Variants in GABRA2 observed in about 807,000 individuals in gnomAD.
GABRA2 encodes gamma-aminobutyric acid type A receptor subunit alpha2, also known as gamma-aminobutyric acid receptor subunit alpha-2.
In GABRA2, 16 loss-of-function variants were observed where a neutral mutation model predicts 48.7. That is an observed-to-expected ratio of 0.33 (90% CI 0.22 to 0.50). The LOEUF (loss-of-function observed/expected upper bound fraction) is 0.50. Among genes scored for constraint, GABRA2 ranks in the 20% least tolerant of loss-of-function variants. The probability of loss-of-function intolerance (pLI) is 0.98; values close to 1 mark genes in which losing one functional copy is unlikely to be tolerated. For synonymous variants in GABRA2, 185 were observed against 184.5 expected, an observed-to-expected ratio of 1.00 and a Z score of -0.02; for missense variants, 275 against 535.6, an observed-to-expected ratio of 0.51 and a Z score of 4.80.
In GABRA2 at chr4:46,248,973, T is replaced by A. The variant is rs977813760; in HGVS notation, c.*1335A>T. 6.6e-6 allele frequency: 1 copy of A among 151,246 alleles called. No homozygotes were observed. Among genetic ancestry groups the A allele is most frequent in the Non-Finnish European group, 1.5e-5 (1 of 67,672 alleles). The allele number at this position is 151,246 out of a possible 1,614,324, so 9.4% of individuals were successfully genotyped here. The stretch of plus-strand genomic sequence containing the variant: ...AAGATATTAAAAGAAAAATGAATTT[T>A]ACCCATTAATAACTAGTAATTATAT... On this transcript the variant is annotated 3_prime_UTR_variant, in exon 10 of 10. Coordinates refer to ENST00000381620, the MANE Select transcript of GABRA2 (RefSeq NM_000807.4).
At chr4:46,262,169 C>T (rs202117071) in intron 8 of GABRA2, 41 bp from the exon 9 acceptor site, 1 of 1,541,936 alleles carries the variant, frequency 6.5e-7, no homozygotes. Context: ...TCAATAGGTA[C>T]TAGCAGGACA....
rs758752896 is a variant in GABRA2 at position 46,250,520 on chromosome 4, G to T, written c.1144C>A (p.Pro382Thr). ...CTCTTGGAGATGGTGGAGAGAACTGGATCTTTTGAAAGATTCGGGGCATAA... is the reference window on the plus strand; with the variant it reads ...CTCTTGGAGATGGTGGAGAGAACTGTATCTTTTGAAAGATTCGGGGCATAA... ...ANYAPNLSKD[P>T]VLSTISKSAT... The change falls in exon 10 of 10, where the codon CCA becomes ACA. Residue 382 changes from proline (P) to threonine (T), a missense_variant. Transcript: ENST00000381620. 6.2e-7 allele frequency: 1 copy of T among 1,611,748 alleles called. No individual in the cohort carries two copies. Among genetic ancestry groups the T allele is most frequent in the East Asian group, 2.2e-5 (1 of 44,774 alleles).
intron 8 of GABRA2, among the ~76,000 whole-genome samples, chr4:46,285,158 C>T (rs1421744148): frequency 1.3e-5 from 2 of 151,382 alleles, no homozygotes; most frequent in Non-Finnish European, 2.9e-5. Flanking sequence ...CATGCATACA[C>T]ATACGCTCAT....
chr4:46,385,676 G>A (rs987218138), intron 3 of GABRA2, among the ~76,000 whole-genome samples: 1 of 151,900 alleles, frequency 6.6e-6, no homozygotes, highest in Non-Finnish European at 1.5e-5. Context: ...AATTTTTTAT[G>A]TTCCTCATTT....
At chr4:46,313,269 A>C (rs980341425) in intron 4 of GABRA2, among the ~76,000 whole-genome samples, 13 of 151,962 alleles carry the variant, frequency 8.6e-5, no homozygotes, top group African/African-American at 3.1e-4. Flanking sequence ...ATCTGTATGA[A>C]TCATCATCTC....
chr4:46,336,899 A>G (rs958857069), intron 3 of GABRA2, among the ~76,000 whole-genome samples: 3 of 152,156 alleles, frequency 2.0e-5, no homozygotes, highest in Non-Finnish European at 4.4e-5. Context: ...ATGGCCTGAA[A>G]AGATATCCAA....
intron 8 of GABRA2, among the ~76,000 whole-genome samples, chr4:46,275,619 G>A (rs1384386983): frequency 6.6e-6 from 1 of 152,048 alleles, no homozygotes; most frequent in Non-Finnish European, 1.5e-5. Flanking sequence ...TAAAATAGCA[G>A]GAGACCATCA....
intron 4 of GABRA2, among the ~76,000 whole-genome samples, chr4:46,319,320 T>A (rs1490517484): frequency 4.6e-5 from 7 of 151,798 alleles, no homozygotes; most frequent in Non-Finnish European, 5.9e-5. Context: ...TCATTTACTT[T>A]GATTTTCTAC....
At chr4:46,339,453 A>C (rs2109846626) in intron 3 of GABRA2, among the ~76,000 whole-genome samples, 1 of 151,956 alleles carries the variant, frequency 6.6e-6, no homozygotes, top group South Asian at 2.1e-4. Flanking sequence ...CCCTTGACAT[A>C]GTATATGTTC....
chr4:46,349,626 T>G (rs1734780891), intron 3 of GABRA2, among the ~76,000 whole-genome samples: 1 of 151,988 alleles, frequency 6.6e-6, no homozygotes, highest in Admixed American at 6.6e-5. Context: ...CAAAGTTAAA[T>G]GCATTCAGAG....
chr4:46,254,736 A>C (rs1435095420), intron 9 of GABRA2, among the ~76,000 whole-genome samples: 1 of 151,530 alleles, frequency 6.6e-6, no homozygotes, highest in African/African-American at 2.4e-5. Context: ...GACTGATAAA[A>C]TATCTCTCCG....
At chr4:46,309,004 G>GT (rs1214887356) in intron 6 of GABRA2, among the ~76,000 whole-genome samples, 4 of 152,052 alleles carry the variant, frequency 2.6e-5, no homozygotes, top group Non-Finnish European at 5.9e-5. Context: ...ATCTGCTGTG[G>GT]TTTTCTCAGC....
intron 3 of GABRA2, among the ~76,000 whole-genome samples, chr4:46,378,468 G>C (rs56091750): frequency 7.9e-5 from 12 of 151,970 alleles, no homozygotes; most frequent in African/African-American, 1.9e-4. Context: ...CAGCATGCTC[G>C]TTAAGAGTCA....
chr4:46,260,573 C>T (rs975342046), intron 9 of GABRA2, among the ~76,000 whole-genome samples: 1 of 151,518 alleles, frequency 6.6e-6, no homozygotes, highest in Non-Finnish European at 1.5e-5. Flanking sequence ...TCTTTTGTGA[C>T]ATATTTACAA....
intron 8 of GABRA2, among the ~76,000 whole-genome samples, chr4:46,296,459 A>T (rs924578125): frequency 2.0e-5 from 3 of 152,114 alleles, no homozygotes; most frequent in African/African-American, 7.2e-5. Flanking sequence ...GCTGGGGTCT[A>T]TCAAGATGAA....
intron 3 of GABRA2, among the ~76,000 whole-genome samples, chr4:46,361,203 A>C (rs959614115): frequency 6.6e-6 from 1 of 152,142 alleles, no homozygotes; most frequent in Non-Finnish European, 1.5e-5. Context: ...CTGGGCATGT[A>C]AGAGACCTCT....
chr4:46,385,078 CATATAT>C (rs36113226), intron 3 of GABRA2, among the ~76,000 whole-genome samples: 6,349 of 143,446 alleles, frequency 0.044, 422 homozygotes, highest in African/African-American at 0.14. Context: ...AATTGCCTAA[CATATAT>C]ATATATATAT....
At chr4:46,302,833 C>T (rs545531218) in intron 8 of GABRA2, among the ~76,000 whole-genome samples, 1 of 152,310 alleles carries the variant, frequency 6.6e-6, no homozygotes, top group South Asian at 2.1e-4. Context: ...GCTCAAACTG[C>T]TCTCTCTGCC....
chr4:46,375,485 A>G (rs1715557791), intron 3 of GABRA2, among the ~76,000 whole-genome samples: 1 of 152,122 alleles, frequency 6.6e-6, no homozygotes, highest in African/African-American at 2.4e-5. Context: ...ATAATTGAGG[A>G]GAATCCGGAA....
Sources: allele counts gnomAD v4.1 joint callset (sites outside exome capture counted in the v4.1 genomes callset), GRCh38; gene constraint gnomAD v4.1.1; transcripts MANE v1.5; gene names NCBI Gene and HGNC (gene_info 2026-07-23, HGNC 2026-07-21).